DOCK4: variants seen among roughly 807,000 people sequenced by gnomAD.
DOCK4 encodes the protein dedicator of cytokinesis 4.
A neutral mutation model predicts 268.1 loss-of-function variants in DOCK4; 97 were observed. That is an observed-to-expected ratio of 0.36 (90% CI 0.31 to 0.43). The LOEUF is 0.43. Ranked by LOEUF, DOCK4 falls within the 20% of genes least tolerant of loss-of-function variation. The probability of loss-of-function intolerance (pLI) is 1.00; values close to 1 mark genes in which losing one functional copy is unlikely to be tolerated. For missense variants in DOCK4, 2,145 were observed against 2,455.7 expected (o/e 0.87, Z 2.67); for synonymous variants, 954 against 887.2 (o/e 1.08, Z -1.34).
chr7:111,907,117 G>A (rs934740546), intron 13 of DOCK4, among the ~76,000 whole-genome samples: 2 of 151,428 alleles, frequency 1.3e-5, no homozygotes, highest in Non-Finnish European at 2.9e-5. Context: ...GCAAATGTAC[G>A]GATAGGCTGA....
chr7:112,192,002 T>G (rs999120305), intron 1 of DOCK4, among the ~76,000 whole-genome samples: 19 of 148,344 alleles, frequency 1.3e-4, no homozygotes, highest in Non-Finnish European at 1.5e-4. Flanking sequence ...TATTATATAT[T>G]ATATAGTATA....
chr7:112,111,752 G>T (rs1484243993), intron 1 of DOCK4, among the ~76,000 whole-genome samples: 1 of 152,176 alleles, frequency 6.6e-6, no homozygotes, highest in Non-Finnish European at 1.5e-5. Flanking sequence ...GGCAGAGTAG[G>T]ACCTGCCGGC....
At chr7:112,097,054 CAA>C (rs1031565027) in intron 1 of DOCK4, among the ~76,000 whole-genome samples, 1 of 152,002 alleles carries the variant, frequency 6.6e-6, no homozygotes, top group Admixed American at 6.6e-5. Flanking sequence ...CTGGTTACCG[CAA>C]AAAGCCAACT....
At chr7:111,814,162 A>G (rs73205387) in intron 27 of DOCK4, among the ~76,000 whole-genome samples, 29,102 of 152,164 alleles carry the variant, frequency 0.19, 3,284 homozygotes, top group East Asian at 0.52. Flanking sequence ...AACAAACTCA[A>G]TCTTCCAAGG....
intron 1 of DOCK4, among the ~76,000 whole-genome samples, chr7:112,015,201 G>A (rs1247546955): frequency 1.3e-5 from 2 of 152,130 alleles, no homozygotes; most frequent in East Asian, 1.9e-4. Flanking sequence ...TTCATTATAC[G>A]CTAGTTATAA....
intron 1 of DOCK4, among the ~76,000 whole-genome samples, chr7:112,073,046 G>A (rs1192269325): frequency 2.0e-5 from 3 of 152,038 alleles, no homozygotes; most frequent in African/African-American, 7.2e-5. Flanking sequence ...TAAAACCCAA[G>A]GTCAAAGGTC....
chr7:111,736,870 A>C (rs1214848369), intron 50 of DOCK4, 47 bp downstream of exon 50: 1 of 1,527,344 alleles, frequency 6.5e-7, no homozygotes, highest in Non-Finnish European at 8.9e-7. Flanking sequence ...CATGAGGATA[A>C]AACAAGCCCT....
chr7:112,009,556 C>T (rs961042989), intron 1 of DOCK4, among the ~76,000 whole-genome samples: 5 of 152,168 alleles, frequency 3.3e-5, no homozygotes, highest in African/African-American at 4.8e-5. Flanking sequence ...GAGCAGGCAT[C>T]GGTGTTGTAG....
chr7:112,148,666 AG>A (rs1815743716), intron 1 of DOCK4, among the ~76,000 whole-genome samples: 1 of 151,600 alleles, frequency 6.6e-6, no homozygotes, highest in South Asian at 2.1e-4. Context: ...GTGAAAATAA[AG>A]GGTTTTGTTT....
At chr7:111,820,946 G>A (rs1801926117) in intron 27 of DOCK4, 4 of 152,102 alleles carry the variant, frequency 2.6e-5, no homozygotes, top group African/African-American at 9.7e-5. Context: ...TAAATCTGTA[G>A]CATGCGGACA....
intron 30 of DOCK4, chr7:111,807,441 C>T (rs547174261): frequency 2.9e-4 from 44 of 151,224 alleles, no homozygotes; most frequent in African/African-American, 9.5e-4. Flanking sequence ...GCTGGCCTTA[C>T]ATAGTTGAAG....
chr7:112,066,161 C>A (rs1467369783), intron 1 of DOCK4, among the ~76,000 whole-genome samples: 3 of 152,272 alleles, frequency 2.0e-5, no homozygotes, highest in East Asian at 3.9e-4. Context: ...GCATTTGAAT[C>A]AGTGGGCTGC....
chr7:112,112,086 A>T (rs980990848), intron 1 of DOCK4, among the ~76,000 whole-genome samples: 1 of 152,092 alleles, frequency 6.6e-6, no homozygotes, highest in Non-Finnish European at 1.5e-5. Flanking sequence ...AGGTGATATG[A>T]TTTGGATGTG....
At chr7:112,084,543 T>C (rs915651912) in intron 1 of DOCK4, among the ~76,000 whole-genome samples, 1 of 152,128 alleles carries the variant, frequency 6.6e-6, no homozygotes, top group East Asian at 1.9e-4. Flanking sequence ...TACCAGACCC[T>C]CAGTTAATAT....
intron 1 of DOCK4, among the ~76,000 whole-genome samples, chr7:112,065,475 T>C (rs1167157035): frequency 2.6e-5 from 4 of 151,422 alleles, no homozygotes. Flanking sequence ...TTCCATTATC[T>C]TACCTGGTAG....
intron 44 of DOCK4, 46 bp from the exon 45 acceptor site, chr7:111,742,178 C>T: frequency 6.6e-7 from 1 of 1,519,384 alleles, no homozygotes; most frequent in Non-Finnish European, 8.8e-7. Flanking sequence ...ATGACTACCT[C>T]TCACTAAGTG....
intron 1 of DOCK4, among the ~76,000 whole-genome samples, chr7:112,156,032 G>A (rs1233064912): frequency 1.3e-5 from 2 of 152,186 alleles, no homozygotes; most frequent in Admixed American, 1.3e-4. Context: ...AGCCCAGTTT[G>A]TTTTCACAGG....
At chr7:112,083,931 C>T (rs878957194) in intron 1 of DOCK4, among the ~76,000 whole-genome samples, 8 of 152,154 alleles carry the variant, frequency 5.3e-5, no homozygotes, top group Admixed American at 3.3e-4. Flanking sequence ...CTTTGACCAA[C>T]GGAATGGAAT....
chr7:112,173,123 A>G (rs1818221983), intron 1 of DOCK4, among the ~76,000 whole-genome samples: 1 of 152,242 alleles, frequency 6.6e-6, no homozygotes, highest in Admixed American at 6.5e-5. Context: ...AATCCAGTGT[A>G]ATCCCTCTGA....
Sources: gnomAD v4.1 joint callset for allele counts (sites outside exome capture counted in the v4.1 genomes callset) on GRCh38, gnomAD v4.1.1 for gene constraint, MANE v1.5 for transcripts, NCBI Gene and HGNC (gene_info 2026-07-23, HGNC 2026-07-21) for gene names.